Variants in NFIC observed in about 807,000 individuals in gnomAD.
The protein encoded by NFIC is nuclear factor I C.
NFIC carries 12 observed loss-of-function variants against 54.4 expected under a neutral mutation model. That is an observed-to-expected ratio of 0.22 (90% CI 0.14 to 0.36). NFIC has a LOEUF of 0.36. NFIC is among the 10% of genes least tolerant of loss of function. The probability of loss-of-function intolerance (pLI) is 1.00; values close to 1 mark genes in which losing one functional copy is unlikely to be tolerated. For missense variants in NFIC, 575 were observed against 718.2 expected, an observed-to-expected ratio of 0.80 and a Z score of 2.28; for synonymous variants, 322 against 319.2, an observed-to-expected ratio of 1.01 and a Z score of -0.09.
At position 3,456,777 on chromosome 19, in the gene NFIC, C is replaced by T. The variant is rs1470266888; in HGVS notation, c.1509+142C>T. On this transcript the variant is annotated intron_variant, in intron 10 of 10. Transcript: ENST00000443272. ...GCCAGCCTCCCACACCCCACCTGGG[C>T]CTCGAGCCCCCACCTGGCCTCTCCC... 5.0e-6 allele frequency: 4 copies of T among 797,514 alleles called. No homozygotes were observed. In the African/African-American group the frequency reaches 5.2e-5, roughly 10 times the overall value. The allele number at this position is 797,514 out of a possible 1,614,324, so 49.4% of individuals were successfully genotyped here.
chr19:3,401,735 T>TG (rs1198374122), intron 2 of NFIC, among the ~76,000 whole-genome samples: 1 of 151,274 alleles, frequency 6.6e-6, no homozygotes, highest in Non-Finnish European at 1.5e-5. Flanking sequence ...TTTTTTCTCT[T>TG]TTTTTAGACA....
intron 3 of NFIC, among the ~76,000 whole-genome samples, chr19:3,429,134 T>TACAC (rs754404318): frequency 0.2 from 13,204 of 66,902 alleles, 1,794 homozygotes; most frequent in East Asian, 0.27. Flanking sequence ...AAAAAAAAAA[T>TACAC]ATACACACAC....
chr19:3,444,953 G>A (rs1274733452), intron 6 of NFIC, among the ~76,000 whole-genome samples: 1 of 152,164 alleles, frequency 6.6e-6, no homozygotes, highest in Non-Finnish European at 1.5e-5. Context: ...GCATGTGCAG[G>A]CATACACATA....
chr19:3,386,624 G>A (rs2081301428), intron 2 of NFIC, among the ~76,000 whole-genome samples: 1 of 151,442 alleles, frequency 6.6e-6, no homozygotes, highest in African/African-American at 2.4e-5. Flanking sequence ...CGCCCGGCCT[G>A]TTGTACGCAT....
At chr19:3,414,650 AGG>A in intron 2 of NFIC, among the ~76,000 whole-genome samples, 1 of 144,480 alleles carries the variant, frequency 6.9e-6, no homozygotes, top group South Asian at 2.2e-4. Context: ...AAATAAAATA[AGG>A]AAAAGACCAT....
intron 1 of NFIC, 37 bp from the exon 2 acceptor site, chr19:3,381,675 C>G (rs2081211651): frequency 6.2e-7 from 1 of 1,605,052 alleles, no homozygotes; most frequent in Non-Finnish European, 8.5e-7. Flanking sequence ...CCTCTGCGTC[C>G]CTGGCGCTCC....
chr19:3,454,036 G>T, intron 9 of NFIC, 120 bp downstream of exon 9: 2 of 1,384,322 alleles, frequency 1.4e-6, no homozygotes, highest in Non-Finnish European at 1.9e-6. Flanking sequence ...GGCGAGTTTG[G>T]TGGGTCTCCG....
chr19:3,376,451 AAAAAAAAAG>A (rs2081108832), intron 1 of NFIC, among the ~76,000 whole-genome samples: 1 of 149,148 alleles, frequency 6.7e-6, no homozygotes, highest in Admixed American at 6.7e-5. Flanking sequence ...AAAAAAAAAA[AAAAAAAAAG>A]GAAAGAAAAT....
chr19:3,383,712 A>G (rs1462258513), intron 2 of NFIC, among the ~76,000 whole-genome samples: 1 of 152,186 alleles, frequency 6.6e-6, no homozygotes, highest in Non-Finnish European at 1.5e-5. Flanking sequence ...CTGCCAGAGC[A>G]TGTGGGATGG....
chr19:3,377,588 C>G (rs1339814432), intron 1 of NFIC, among the ~76,000 whole-genome samples: 1 of 151,798 alleles, frequency 6.6e-6, no homozygotes, highest in East Asian at 1.9e-4. Context: ...AACTAGGTCC[C>G]AGATGTTTTT....
rs187706063 is a variant in NFIC, at chr19:3,375,240, G to A, written c.31-6472G>A. Among the ~76,000 whole-genome samples the A allele has an allele frequency of 2.6e-5, 4 of 152,174 alleles. No homozygotes were observed. Among genetic ancestry groups the A allele is most frequent in the East Asian group, 1.9e-4 (1 of 5,162 alleles). On this transcript the variant is annotated intron_variant, in intron 1 of 10. Transcript: ENST00000443272. The surrounding 1 kb of genome is among the most constrained non-coding windows in gnomAD (Gnocchi z 4.6). ...GCCTCTTATCACAGCCCCAGTAAGCGCCAGAGCTTGGGTGGCAGCCACGGC... is the reference window on the plus strand; with the variant it reads ...GCCTCTTATCACAGCCCCAGTAAGCACCAGAGCTTGGGTGGCAGCCACGGC...
chr19:3,378,811 G>C (rs992523145), intron 1 of NFIC, among the ~76,000 whole-genome samples: 1 of 152,124 alleles, frequency 6.6e-6, no homozygotes, highest in East Asian at 1.9e-4. Flanking sequence ...TGCTTCTCTG[G>C]TCTGTTTCTG....
At chr19:3,443,494 G>A (rs777512639) in intron 6 of NFIC, among the ~76,000 whole-genome samples, 2 of 151,868 alleles carry the variant, frequency 1.3e-5, no homozygotes, top group African/African-American at 4.8e-5. Flanking sequence ...TGTGGCAGAC[G>A]GTGTGTAAAC....
chr19:3,410,127 G>A (rs2081729687), intron 2 of NFIC, among the ~76,000 whole-genome samples: 1 of 151,930 alleles, frequency 6.6e-6, no homozygotes, highest in Non-Finnish European at 1.5e-5. Flanking sequence ...TGCAAGCTCC[G>A]CCTCCCGGGT....
intron 1 of NFIC, among the ~76,000 whole-genome samples, chr19:3,360,924 G>A (rs1188285836): frequency 4.6e-5 from 7 of 152,180 alleles, no homozygotes; most frequent in Admixed American, 4.6e-4. Context: ...GTGTGCGAGT[G>A]ACTGGCGCTG....
At chr19:3,361,111 T>C (rs1333637904) in intron 1 of NFIC, among the ~76,000 whole-genome samples, 1 of 152,096 alleles carries the variant, frequency 6.6e-6, no homozygotes, top group Non-Finnish European at 1.5e-5. Flanking sequence ...GCCTTCGGGG[T>C]CCCCCATCCG....
At chr19:3,412,566 G>A (rs2081781637) in intron 2 of NFIC, among the ~76,000 whole-genome samples, 1 of 152,084 alleles carries the variant, frequency 6.6e-6, no homozygotes. Context: ...CTGTTCATAC[G>A]TTTTAAAGAG....
chr19:3,368,728 CCTGGT>C (rs1336242305), intron 1 of NFIC, among the ~76,000 whole-genome samples: 5 of 152,140 alleles, frequency 3.3e-5, no homozygotes, highest in Non-Finnish European at 7.3e-5. Context: ...CAAGGCCCAG[CCTGGT>C]CTGGGGTAGC....
chr19:3,462,535 T>G (rs1282797719), intron 10 of NFIC, among the ~76,000 whole-genome samples: 1 of 152,168 alleles, frequency 6.6e-6, no homozygotes, highest in Non-Finnish European at 1.5e-5. Context: ...CTGGGCATCC[T>G]GTACTGTGTC....
Sources: allele counts gnomAD v4.1 joint callset (sites outside exome capture counted in the v4.1 genomes callset), GRCh38; gene constraint gnomAD v4.1.1; non-coding constraint Gnocchi (gnomAD v3.1); transcripts MANE v1.5; gene names NCBI Gene and HGNC (gene_info 2026-07-23, HGNC 2026-07-21).